Variants in ZXDC observed in about 807,000 individuals in gnomAD.
ZXDC encodes ZXD family zinc finger C, also known as zinc finger protein ZXDC.
ZXDC carries 58 observed loss-of-function variants against 63.6 expected under a neutral mutation model. The ratio of observed to expected loss-of-function variants is 0.91; its 90% confidence interval spans 0.74 to 1.13. The LOEUF is 1.13. Ranked by LOEUF, ZXDC falls within the 50% of genes most tolerant of loss-of-function variation. The pLI, the probability that ZXDC is intolerant of heterozygous loss-of-function variation, is 0.00. For synonymous variants in ZXDC, 561 were observed against 496.1 expected (o/e 1.13, Z -1.74); for missense variants, 1,133 against 1,148.9 (o/e 0.99, Z 0.20).
At chr3:126,442,446 A>C (rs771509941) in intron 7 of ZXDC, 2 of 152,338 alleles carry the variant, frequency 1.3e-5, no homozygotes, top group Non-Finnish European at 2.9e-5. Flanking sequence ...GAAATGAAGT[A>C]AAGCACAAAG....
intron 7 of ZXDC, chr3:126,452,979 A>T (rs1934165847): frequency 1.0e-6 from 1 of 978,302 alleles, no homozygotes; most frequent in African/African-American, 1.8e-5. Flanking sequence ...CTCAAGCAAT[A>T]CTCCCACCTC....
chr3:126,463,072 A>T (rs1221145132), intron 5 of ZXDC, among the ~76,000 whole-genome samples: 1 of 90,086 alleles, frequency 1.1e-5, no homozygotes. Context: ...AATTATTATT[A>T]TTATTATTTT....
intron 7 of ZXDC, among the ~76,000 whole-genome samples, chr3:126,450,045 T>C (rs1462692544): frequency 6.6e-6 from 1 of 152,174 alleles, no homozygotes; most frequent in East Asian, 1.9e-4. Context: ...AGCACCTTTC[T>C]ACCTTTCCCT....
In ZXDC at chr3:126,462,991, G is replaced by A. The variant is rs883357; in HGVS notation, c.1442-771C>T. Among the ~76,000 whole-genome samples, 1,078 of 152,198 alleles carry A rather than the reference G, an allele frequency of 7.1e-3. 52 individuals are homozygous for A. The East Asian group carries it at 0.12, about 17-fold the overall frequency. ...CCCAGCAGGACTGCAAGCCTCCTGA[G>A]GGTGGAGAGCCATCTGACCACCACT... is the stretch of plus-strand genomic sequence containing the variant. On this transcript the variant is annotated intron_variant, in intron 5 of 9. Transcript: ENST00000389709.
Position 126,459,175 on chromosome 3 carries a change from C to A in ZXDC, c.2212+478G>T, listed in dbSNP as rs754098250. On this transcript the variant is annotated intron_variant, in intron 7 of 9. Coordinates refer to ENST00000389709, the MANE Select transcript of ZXDC (RefSeq NM_025112.5). ...AGCTCTTGTTTGGTCTTTAAAAATG[C>A]AAGTAAGTTGCTAACATTTTCAAAT... is the stretch of plus-strand genomic sequence containing the variant. 130 of 985,432 alleles carry A rather than the reference C, an allele frequency of 1.3e-4. No homozygotes were observed. In the Middle Eastern group the frequency reaches 1.6e-3, roughly 12 times the overall value. The allele number at this position is 985,432 out of a possible 1,614,324, so 61.0% of individuals were successfully genotyped here. A position where few individuals can be genotyped will look rare whatever the true frequency, so the allele number is the denominator to read the frequency against.
rs975003540 is a variant in ZXDC, at chr3:126,475,369, T to A, written c.497A>T (p.Gln166Leu). The A allele has an allele frequency of 2.6e-5, 33 of 1,269,672 alleles. No homozygotes were observed. In the African/African-American group the frequency reaches 3.9e-4, roughly 15 times the overall value. 78.7% of individuals were successfully genotyped at this position (1,269,672 alleles called of 1,614,324 possible). A position where few individuals can be genotyped will look rare whatever the true frequency, so the allele number is the denominator to read the frequency against. Reference protein sequence around the residue: ...AGAAAPRRAPQASGPSTPGYR... With the variant: ...AGAAAPRRAPLASGPSTPGYR... ...GCCGGGCGTGCTGGGGCCGGAGGCC[T>A]GGGGCGCGCGGCGGGGAGCGGCGGC... The change falls in exon 1 of 10, where the codon CAG (glutamine) becomes CTG (leucine). Residue 166 changes from glutamine to leucine, a missense_variant. Physicochemically the swap from Gln to Leu is moderately radical, Grantham distance 113. Transcript: ENST00000389709.
intron 7 of ZXDC, among the ~76,000 whole-genome samples, chr3:126,445,344 G>T (rs913016372): frequency 6.6e-6 from 1 of 151,928 alleles, no homozygotes; most frequent in Non-Finnish European, 1.5e-5. Context: ...TCCCCTCTCT[G>T]ATGTACCTCA....
chr3:126,451,517 T>C (rs1276825593), intron 7 of ZXDC: 22 of 985,250 alleles, frequency 2.2e-5, no homozygotes, highest in South Asian at 1.4e-4. Flanking sequence ...CCTGAACACA[T>C]TACCAAATGA....
At chr3:126,452,406 G>C (rs1221862097) in intron 7 of ZXDC, 1 of 985,344 alleles carries the variant, frequency 1.0e-6, no homozygotes. Context: ...CTCTGCCATC[G>C]AGACAGGTGC....
Position 126,460,905 on chromosome 3 carries a change from T to C in ZXDC, c.2127+630A>G, listed in dbSNP as rs994270031. The C allele has an allele frequency of 1.2e-5, 12 of 985,310 alleles. No homozygotes were observed. The African/African-American group carries it at 1.7e-4, about 14-fold the overall frequency. The allele number at this position is 985,310 out of a possible 1,614,324, so 61.0% of individuals were successfully genotyped here. A position where few individuals can be genotyped will look rare whatever the true frequency, so the allele number is the denominator to read the frequency against. On this transcript the variant is annotated intron_variant, in intron 6 of 9. Coordinates refer to ENST00000389709, the MANE Select transcript of ZXDC (RefSeq NM_025112.5). Reference sequence around the variant, plus strand: ...TAGCCTGTGCCACAAAAAAAATCCCTATCTGATCATTCCCATCTAGGTCAG... The same window carrying C: ...TAGCCTGTGCCACAAAAAAAATCCCCATCTGATCATTCCCATCTAGGTCAG...
rs571409645 is a variant in ZXDC, at chr3:126,438,294, T to A, written c.*81A>T. ...TCTTCTGAACGGAAACCAAATGAGG[T>A]CTCCCCAGGCTCATGTCATGAGTCT... is the stretch of plus-strand genomic sequence containing the variant. On this transcript the variant is annotated 3_prime_UTR_variant, in exon 10 of 10. Coordinates refer to ENST00000389709, the MANE Select transcript of ZXDC (RefSeq NM_025112.5). 4.9e-6 allele frequency: 6 copies of A among 1,214,334 alleles called. No homozygotes were observed. In the African/African-American group the frequency reaches 7.5e-5, roughly 15 times the overall value. 75.2% of individuals were successfully genotyped at this position (1,214,334 alleles called of 1,614,324 possible). A position where few individuals can be genotyped will look rare whatever the true frequency, so the allele number is the denominator to read the frequency against.
chr3:126,460,399 A>G, intron 6 of ZXDC: 3 of 890,736 alleles, frequency 3.4e-6, no homozygotes, highest in Non-Finnish European at 4.0e-6. Context: ...ACCACACACC[A>G]TTTGTACTCA....
At chr3:126,458,871 A>G (rs1415800736) in intron 7 of ZXDC, 1 of 985,330 alleles carries the variant, frequency 1.0e-6, no homozygotes, top group Non-Finnish European at 1.2e-6. Flanking sequence ...TGCATACACT[A>G]TAGTGAAACA....
At chr3:126,451,980 A>G in intron 7 of ZXDC, 1 of 985,446 alleles carries the variant, frequency 1.0e-6, no homozygotes, top group South Asian at 4.7e-5. Context: ...TTCATGCCTT[A>G]GAAAAACCTT....
chr3:126,458,925 T>C (rs1207816125), intron 7 of ZXDC: 3 of 984,008 alleles, frequency 3.0e-6, no homozygotes, highest in Non-Finnish European at 3.6e-6. Flanking sequence ...GCAATTGTTA[T>C]TTATTTTAAA....
rs1049919121 is a variant in ZXDC, at chr3:126,466,170, G to A, written c.1426C>T (p.His476Tyr). 2 of 1,613,542 alleles carry A rather than the reference G, an allele frequency of 1.2e-6. No individual in the cohort carries two copies. The highest frequency in any genetic ancestry group is 2.7e-5 in the African/African-American group (2 of 74,904). The change falls in exon 5 of 10, where the codon CAC (histidine) becomes TAC (tyrosine). Residue 476 changes from histidine (H) to tyrosine (Y), a missense_variant. By Grantham distance (83) the His-to-Tyr change is moderately conservative. Coordinates refer to ENST00000389709, the MANE Select transcript of ZXDC (RefSeq NM_025112.5). ...AAGTGCAGACCTTGGCGCCGGCTGT[G>A]CTGTCTGACCATGTGCGCCTTCATG... is the stretch of plus-strand genomic sequence containing the variant. Reference protein sequence around the residue: ...HSMKAHMVRQHSRRQDLLPQL... With the variant: ...HSMKAHMVRQYSRRQDLLPQL...
intron 7 of ZXDC, chr3:126,453,787 C>A: frequency 1.0e-6 from 1 of 977,384 alleles, no homozygotes; most frequent in Non-Finnish European, 1.2e-6. Context: ...CTCTGCCTCC[C>A]GGGTTCAAGC....
intron 7 of ZXDC, chr3:126,451,881 C>G: frequency 4.1e-6 from 4 of 985,200 alleles, no homozygotes; most frequent in Non-Finnish European, 4.8e-6. Flanking sequence ...AGGTCTCCAC[C>G]TCATAGGGTT....
chr3:126,467,388 GT>G (rs1934815006), intron 4 of ZXDC, among the ~76,000 whole-genome samples: 1 of 152,128 alleles, frequency 6.6e-6, no homozygotes, highest in South Asian at 2.1e-4. Flanking sequence ...CCTCACAGGG[GT>G]GCTGAGGGCC....
Sources: allele counts gnomAD v4.1 joint callset (sites outside exome capture counted in the v4.1 genomes callset), GRCh38; gene constraint gnomAD v4.1.1; transcripts MANE v1.5; gene names NCBI Gene and HGNC (gene_info 2026-07-23, HGNC 2026-07-21).